ODAD1: variants seen among roughly 807,000 people sequenced by gnomAD.
The protein encoded by ODAD1 is outer dynein arm-docking complex subunit 1.
Under a neutral mutation model 67.2 loss-of-function variants are expected in ODAD1, and 49 were observed. The ratio of observed to expected loss-of-function variants is 0.73; its 90% confidence interval spans 0.58 to 0.92. ODAD1 has a LOEUF of 0.92. Ranked by LOEUF, ODAD1 falls within the 40% of genes least tolerant of loss-of-function variation. The pLI is 0.00. For synonymous variants in ODAD1, 345 were observed against 393.7 expected, an observed-to-expected ratio of 0.88 and a Z score of 1.46; for missense variants, 897 against 953.7, an observed-to-expected ratio of 0.94 and a Z score of 0.78.
chr19:48,303,462 T>G (rs1360937548), intron 10 of ODAD1, 188 bp downstream of exon 10: 17 of 618,338 alleles, frequency 2.7e-5, no homozygotes, highest in African/African-American at 7.8e-5. Context: ...TAGGAGGGGG[T>G]GGGGAGGGGC....
At chr19:48,313,951 T>C (rs891355648) in intron 5 of ODAD1, among the ~76,000 whole-genome samples, 1 of 151,290 alleles carries the variant, frequency 6.6e-6, no homozygotes, top group African/African-American at 2.4e-5. Context: ...CACGTAAGGA[T>C]AAAGACAGAG....
rs1246154091 is a variant in ODAD1, at chr19:48,303,994, C to CG, written c.811dup (p.Arg271ProfsTer12). 6.2e-7 allele frequency: 1 copy of CG among 1,614,096 alleles called. No homozygotes were observed. The highest frequency in any genetic ancestry group is 8.5e-7 in the Non-Finnish European group (1 of 1,180,034). On this transcript the variant is annotated frameshift_variant, in exon 9 of 16. Transcript: ENST00000674294. LOFTEE classifies it high-confidence loss of function. ...CTCCAGGACATCGGGATCCGGCTGC[C>CG]GGTCGTTGTTCTTGAGCTTGAGGAA...
At chr19:48,308,178 C>CT (rs1293767714) in intron 7 of ODAD1, among the ~76,000 whole-genome samples, 2,759 of 143,480 alleles carry the variant, frequency 0.019, 56 homozygotes, top group African/African-American at 0.056. Context: ...TTCCTTTTTG[C>CT]TTTTTTTTTT....
At chr19:48,307,731 C>T (rs532824972) in intron 7 of ODAD1, among the ~76,000 whole-genome samples, 39 of 150,978 alleles carry the variant, frequency 2.6e-4, no homozygotes, top group Non-Finnish European at 3.7e-4. Context: ...AGGAGAACGG[C>T]GTGAACCTGG....
intron 3 of ODAD1, chr19:48,319,442 T>A (rs941661588): frequency 1.0e-6 from 1 of 985,732 alleles, no homozygotes; most frequent in African/African-American, 1.7e-5. Context: ...ACCTCTCCAG[T>A]CTTGCCCGTA....
rs547074727 is a variant in ODAD1, at chr19:48,304,077, G to A, written c.729C>T (p.Ser243=). 61 of 1,614,066 alleles carry A rather than the reference G, an allele frequency of 3.8e-5. No individual in the cohort carries two copies. In the Admixed American group the frequency reaches 6.2e-4, roughly 16 times the overall value. Residue 243 remains serine (S), a synonymous_variant, in exon 9 of 16, where the codon AGC becomes AGT. Coordinates refer to ENST00000674294, the MANE Select transcript of ODAD1 (RefSeq NM_001364171.2). ...GCTGCAGGACCTGCGCCTCCATCTC[G>A]CTCTGGGCCTCCTCTTTCTCCGCGC... The part of the protein sequence containing the change: ...RERAEKEEAQ[S]EMEAQVLQRQ...
rs773555517 is a variant in ODAD1 at position 48,302,677 on chromosome 19, C to T, written c.1240+17G>A. On this transcript the variant is annotated intron_variant, in intron 12 of 15. Coordinates refer to ENST00000674294, the MANE Select transcript of ODAD1 (RefSeq NM_001364171.2). ...TGGAGAAGCCAGGCTCGGGAGGGGG[C>T]GCCCATGGGTGCTCACCAGCCTTGA... The T allele has an allele frequency of 1.0e-5, 16 of 1,593,728 alleles. No individual in the cohort carries two copies. Among genetic ancestry groups the T allele is most frequent in the Admixed American group, 5.1e-5 (3 of 58,980 alleles).
At chr19:48,308,905 G>T (rs1415412288) in intron 7 of ODAD1, among the ~76,000 whole-genome samples, 1 of 152,070 alleles carries the variant, frequency 6.6e-6, no homozygotes, top group Non-Finnish European at 1.5e-5. Context: ...ACAGACCCGG[G>T]CCTCCCACTC....
rs756948358 is a variant in ODAD1, at chr19:48,297,383, T to C, written c.1717A>G (p.Arg573Gly). ...GACCCGGGGATGGCATGGGGGTGCC[T>C]GGTGGGCACCAGGACGGTACTGGAG... ...AGSSTVLVPT[R>G]HPHAIPGSIL... The change falls in exon 16 of 16, where the codon AGG becomes GGG. Residue 573 changes from arginine (R) to glycine (G), a missense_variant. Arg to Gly is a moderately radical substitution (Grantham distance 125, BLOSUM62 -2). Transcript: ENST00000674294. 1.9e-6 allele frequency: 3 copies of C among 1,607,884 alleles called. No individual in the cohort carries two copies. The African/African-American group carries it at 4.0e-5, about 21-fold the overall frequency.
intron 7 of ODAD1, 44 bp from the exon 8 acceptor site, chr19:48,306,367 C>A (rs1301776376): frequency 6.7e-7 from 1 of 1,497,228 alleles, no homozygotes; most frequent in African/African-American, 1.4e-5. Context: ...TCTTACAACC[C>A]CATTGCTCGA....
intron 1 of ODAD1, among the ~76,000 whole-genome samples, chr19:48,321,165 G>C (rs1969020333): frequency 1.3e-5 from 2 of 152,318 alleles, no homozygotes; most frequent in Admixed American, 6.5e-5. Context: ...TTGAACCCGG[G>C]AGGCGGAGGT....
chr19:48,321,762 C>T lies in ODAD1; in HGVS notation c.-148G>A, dbSNP rs144777464. 163 of 398,440 alleles carry T rather than the reference C, an allele frequency of 4.1e-4. 1 individual carries two copies. Among genetic ancestry groups the T allele is most frequent in the African/African-American group, 3.0e-3 (144 of 48,742 alleles). The allele number at this position is 398,440 out of a possible 1,614,324, so 24.7% of individuals were successfully genotyped here. A position where few individuals can be genotyped will look rare whatever the true frequency, so the allele number is the denominator to read the frequency against. On this transcript the variant is annotated 5_prime_UTR_variant, in exon 1 of 16. Transcript: ENST00000674294. ...GAAGCCAGGCCGAGGTCCTACAAGA[C>T]GGAGCCCGAGAGGTGCCGGTCTTAA...
rs1353723014 is a variant in ODAD1 at position 48,296,624 on chromosome 19, TGAGGA to T, written c.*347_*351del. 3 of 317,496 alleles carry T rather than the reference TGAGGA, an allele frequency of 9.4e-6. No homozygotes were observed. Among genetic ancestry groups the T allele is most frequent in the Admixed American group, 5.2e-5 (1 of 19,288 alleles). The allele number at this position is 317,496 out of a possible 1,614,324, so 19.7% of individuals were successfully genotyped here. On this transcript the variant is annotated 3_prime_UTR_variant, in exon 16 of 16. Coordinates refer to ENST00000674294, the MANE Select transcript of ODAD1 (RefSeq NM_001364171.2). ...GCGTGGAGAGCCTGGGAGATGGAGA[TGAGGA>T]GAGAGAGCCGGAAACAGGAGGTGGG...
chr19:48,320,265 A>T, intron 3 of ODAD1, 34 bp downstream of exon 3: 1 of 1,207,046 alleles, frequency 8.3e-7, no homozygotes, highest in Non-Finnish European at 1.1e-6. Context: ...GCTGGAAAAG[A>T]ATGGGTGAAT....
intron 5 of ODAD1, 26 bp downstream of exon 5, chr19:48,318,361 C>T: frequency 1.3e-6 from 2 of 1,541,092 alleles, no homozygotes; most frequent in Non-Finnish European, 1.8e-6. Context: ...TAAGCAGGAT[C>T]CGTAGAACCA....
chr19:48,298,138 G>C (rs559114844), intron 13 of ODAD1, 39 bp downstream of exon 13: 1 of 1,611,770 alleles, frequency 6.2e-7, no homozygotes, highest in South Asian at 1.1e-5. Context: ...GGCCACCCCC[G>C]AGACCGGCCT....
Position 48,302,837 on chromosome 19 carries a change from C to T in ODAD1, c.1097G>A (p.Arg366His), listed in dbSNP as rs35361179. 0.033 allele frequency: 52,916 copies of T among 1,613,962 alleles called. 1,045 individuals carry two copies. Among genetic ancestry groups the T allele is most frequent in the Non-Finnish European group, 0.039 (45,735 of 1,179,956 alleles). Residue 366 changes from arginine to histidine, a missense_variant, in exon 12 of 16, where the codon CGT becomes CAT. Transcript: ENST00000674294. ...KEMQEALVSA[R>H]ASKDDQHLLQ... ...CAAATGCTGGTCATCCTTGCTGGCA[C>T]GTGCGCTCACCAAAGCCTCCTGCAT...
chr19:48,303,546 A>C, intron 10 of ODAD1, 104 bp downstream of exon 10: 1 of 1,403,772 alleles, frequency 7.1e-7, no homozygotes, highest in Admixed American at 1.9e-5. Context: ...TTCCTCCAGC[A>C]CAGATGGAGG....
intron 12 of ODAD1, among the ~76,000 whole-genome samples, chr19:48,302,305 A>C (rs1968486183): frequency 6.6e-6 from 1 of 151,378 alleles, no homozygotes; most frequent in Non-Finnish European, 1.5e-5. Flanking sequence ...GATATAGGAC[A>C]GTTGAAGGGA....
Sources: gnomAD v4.1 joint callset for allele counts (sites outside exome capture counted in the v4.1 genomes callset) on GRCh38, gnomAD v4.1.1 for gene constraint, MANE v1.5 for transcripts, NCBI Gene and HGNC (gene_info 2026-07-23, HGNC 2026-07-21) for gene names.